The following NEGR1 variants were observed in gnomAD, a reference collection of about 807,000 sequenced individuals.
NEGR1 encodes neuronal growth regulator 1.
Under a neutral mutation model 40.9 loss-of-function variants are expected in NEGR1, and 10 were observed. The ratio of observed to expected loss-of-function variants is 0.24; its 90% confidence interval spans 0.15 to 0.42. NEGR1 has a LOEUF of 0.42. Ranked by LOEUF, NEGR1 falls within the 10% of genes least tolerant of loss-of-function variation. The pLI, the probability that NEGR1 is intolerant of heterozygous loss-of-function variation, is 1.00. For synonymous variants in NEGR1, 185 were observed against 166.8 expected, an observed-to-expected ratio of 1.11 and a Z score of -0.84; for missense variants, 352 against 438.9, an observed-to-expected ratio of 0.80 and a Z score of 1.77.
chr1:71,461,688 T>C (rs930177632), intron 6 of NEGR1: 5 of 152,146 alleles, frequency 3.3e-5, no homozygotes, highest in African/African-American at 4.8e-5. Context: ...ACGATGGCCC[T>C]GGAAAGAGGC....
chr1:71,570,196 T>C (rs1007559827), intron 6 of NEGR1, among the ~76,000 whole-genome samples: 1 of 152,234 alleles, frequency 6.6e-6, no homozygotes, highest in Non-Finnish European at 1.5e-5. Flanking sequence ...TTTTTATGTA[T>C]TTTTAAACAA....
At chr1:71,994,190 A>C (rs1646481487) in intron 1 of NEGR1, among the ~76,000 whole-genome samples, 1 of 152,134 alleles carries the variant, frequency 6.6e-6, no homozygotes, top group Non-Finnish European at 1.5e-5. Context: ...TGTCTTTTAG[A>C]ATTATGAGCC....
chr1:71,716,316 A>G (rs1196984442), intron 3 of NEGR1, among the ~76,000 whole-genome samples: 1 of 152,130 alleles, frequency 6.6e-6, no homozygotes, highest in Non-Finnish European at 1.5e-5. Flanking sequence ...ACACAGAGCC[A>G]AACCATATCA....
intron 2 of NEGR1, among the ~76,000 whole-genome samples, chr1:71,904,835 C>G (rs1332874212): frequency 6.6e-6 from 1 of 152,124 alleles, no homozygotes; most frequent in African/African-American, 2.4e-5. Context: ...CACAGAAGAT[C>G]AAAGTTGTAT....
chr1:72,027,679 T>G (rs1646824157), intron 1 of NEGR1, among the ~76,000 whole-genome samples: 1 of 152,234 alleles, frequency 6.6e-6, no homozygotes, highest in Admixed American at 6.5e-5. Context: ...TAAATAATCA[T>G]TAGTCTGGCT....
chr1:71,448,248 C>A (rs1423857439), intron 6 of NEGR1, among the ~76,000 whole-genome samples: 3 of 144,502 alleles, frequency 2.1e-5, no homozygotes, highest in East Asian at 2.0e-4. Flanking sequence ...AAAAAAAAGA[C>A]ACAGAGAGAG....
intron 2 of NEGR1, among the ~76,000 whole-genome samples, chr1:71,868,491 C>CATAT (rs1243971002): frequency 2.0e-5 from 3 of 151,654 alleles, no homozygotes; most frequent in African/African-American, 7.3e-5. Flanking sequence ...TACATACATA[C>CATAT]ATACATACAT....
chr1:71,935,442 A>G (rs1052131947), intron 1 of NEGR1, 131 bp from the exon 2 acceptor site: 1 of 647,052 alleles, frequency 1.5e-6, no homozygotes, highest in Non-Finnish European at 2.7e-6. Context: ...ACATTAACTC[A>G]GGAAACATGA....
rs1002382346 is a variant in NEGR1 at position 71,535,535 on chromosome 1, C to A, written c.940+57282G>T. Reference sequence around the variant, plus strand: ...CACTCTATAATTTCAGCTTCACAGTCAATCCAAGATTTTTTTCCCCACGTA... The same window carrying A: ...CACTCTATAATTTCAGCTTCACAGTAAATCCAAGATTTTTTTCCCCACGTA... On this transcript the variant is annotated intron_variant, in intron 6 of 6. Transcript: ENST00000357731. 4.6e-5 allele frequency among the ~76,000 whole-genome samples: 7 copies of A among 151,834 alleles called. No individual in the cohort carries two copies. The South Asian group carries it at 1.2e-3, about 27-fold the overall frequency.
chr1:71,575,477 C>A (rs749205462), intron 6 of NEGR1, among the ~76,000 whole-genome samples: 3 of 152,132 alleles, frequency 2.0e-5, no homozygotes, highest in Non-Finnish European at 2.9e-5. Context: ...GCATTCAAAG[C>A]CTTTTCTACT....
At chr1:71,759,314 T>G (rs1346784742) in intron 3 of NEGR1, among the ~76,000 whole-genome samples, 2 of 143,368 alleles carry the variant, frequency 1.4e-5, no homozygotes, top group African/African-American at 5.4e-5. Flanking sequence ...TTTTTTTTTT[T>G]TGAGACATAG....
intron 6 of NEGR1, among the ~76,000 whole-genome samples, chr1:71,556,168 A>T (rs1648245295): frequency 6.6e-6 from 1 of 151,586 alleles, no homozygotes; most frequent in Non-Finnish European, 1.5e-5. Context: ...AGATTCATCA[A>T]ACTTTAATGC....
chr1:71,761,251 C>G (rs1444900303), intron 3 of NEGR1, among the ~76,000 whole-genome samples: 4 of 152,116 alleles, frequency 2.6e-5, no homozygotes, highest in African/African-American at 7.2e-5. Flanking sequence ...TCTGTTGCAA[C>G]TATTCACTTC....
chr1:71,456,605 T>C (rs1443416474), intron 6 of NEGR1, among the ~76,000 whole-genome samples: 6 of 152,242 alleles, frequency 3.9e-5, no homozygotes, highest in Admixed American at 1.3e-4. Context: ...GGCTGGCTCA[T>C]GGCCAGTCAT....
intron 4 of NEGR1, among the ~76,000 whole-genome samples, chr1:71,671,766 A>C (rs2101600420): frequency 6.6e-6 from 1 of 152,260 alleles, no homozygotes; most frequent in Middle Eastern, 3.4e-3. Context: ...TTTGGCAATC[A>C]TGGGTCCCCG....
At chr1:71,754,921 T>C (rs1655683167) in intron 3 of NEGR1, among the ~76,000 whole-genome samples, 1 of 152,312 alleles carries the variant, frequency 6.6e-6, no homozygotes, top group South Asian at 2.1e-4. Flanking sequence ...GATACTGGCC[T>C]TGGGCTCTCT....
chr1:71,414,491 T>G (rs1366686814), intron 6 of NEGR1, among the ~76,000 whole-genome samples: 1 of 152,152 alleles, frequency 6.6e-6, no homozygotes, highest in Non-Finnish European at 1.5e-5. Context: ...TTATAGTATC[T>G]GGAAGAATCA....
At chr1:71,878,858 GA>G (rs1660505118) in intron 2 of NEGR1, among the ~76,000 whole-genome samples, 1 of 152,180 alleles carries the variant, frequency 6.6e-6, no homozygotes, top group African/African-American at 2.4e-5. Flanking sequence ...CTGGGTTGAT[GA>G]AATAAATAAC....
intron 1 of NEGR1, among the ~76,000 whole-genome samples, chr1:72,072,491 C>T (rs184806771): frequency 6.7e-4 from 102 of 152,208 alleles, no homozygotes; most frequent in African/African-American, 2.0e-3. Context: ...GACAGACCTG[C>T]ATGAAAAGTG....
Sources: allele counts gnomAD v4.1 joint callset (sites outside exome capture counted in the v4.1 genomes callset), GRCh38; gene constraint gnomAD v4.1.1; transcripts MANE v1.5; gene names NCBI Gene and HGNC (gene_info 2026-07-23, HGNC 2026-07-21).